Variants in MAG observed in about 807,000 individuals in gnomAD.
MAG encodes myelin-associated glycoprotein.
Under a neutral mutation model 60.7 loss-of-function variants are expected in MAG, and 30 were observed. The ratio of observed to expected loss-of-function variants is 0.49; its 90% CI spans 0.37 to 0.67. The LOEUF (loss-of-function observed/expected upper bound fraction) is 0.67. Ranked by LOEUF, MAG falls within the 30% of genes least tolerant of loss-of-function variation. The pLI is 0.00. For missense variants in MAG, 795 were observed against 851.7 expected, an observed-to-expected ratio of 0.93 and a Z score of 0.83; for synonymous variants, 384 against 376.8, an observed-to-expected ratio of 1.02 and a Z score of -0.22.
At chr19:35,303,108 G>T (rs2066460916) in intron 7 of MAG, among the ~76,000 whole-genome samples, 1 of 152,130 alleles carries the variant, frequency 6.6e-6, no homozygotes, top group African/African-American at 2.4e-5. Flanking sequence ...ATTTTTAGTA[G>T]AGACGGGGTT....
Position 35,299,633 on chromosome 19 carries a change from C to T in MAG, c.495C>T (p.Cys165=). 1 of 1,610,852 alleles carries T rather than the reference C, an allele frequency of 6.2e-7. No homozygotes were observed. The highest frequency in any genetic ancestry group is 1.3e-5 in the African/African-American group (1 of 74,826). ...TCAGCTGCATGGTGCCGGACAACTG[C>T]CCAGAGCTGCGCCCTGAGCTGAGCT... ...VEVSCMVPDN[C]PELRPELSWL... The change falls in exon 5 of 11, where the codon TGC becomes TGT. Residue 165 remains cysteine (C), a synonymous_variant. Transcript: ENST00000392213.
intron 7 of MAG, among the ~76,000 whole-genome samples, chr19:35,307,493 G>A (rs1014238434): frequency 2.6e-5 from 4 of 152,154 alleles, no homozygotes; most frequent in African/African-American, 9.7e-5. Flanking sequence ...AGTTTAAAAA[G>A]CAGCATTCTG....
chr19:35,298,680 C>T (rs188335455), intron 4 of MAG, among the ~76,000 whole-genome samples: 159 of 147,552 alleles, frequency 1.1e-3, no homozygotes, highest in African/African-American at 3.3e-3. Flanking sequence ...AACCACACAC[C>T]GCATACACAC....
At chr19:35,304,969 C>A (rs2066473549) in intron 7 of MAG, among the ~76,000 whole-genome samples, 1 of 152,184 alleles carries the variant, frequency 6.6e-6, no homozygotes, top group African/African-American at 2.4e-5. Flanking sequence ...TGGGTCCGAG[C>A]CCGATAATTC....
Position 35,300,099 on chromosome 19 carries a change from C to T in MAG, c.713-48C>T, listed in dbSNP as rs965787739. ...GCCGGGCTGGGAGAGGGCACTGGGC[C>T]GGTTCCCCAGCACCTGCTCACTAAC... is the stretch of plus-strand genomic sequence containing the variant. On this transcript the variant is annotated intron_variant, in intron 5 of 10. Coordinates refer to ENST00000392213, the MANE Select transcript of MAG (RefSeq NM_002361.4). 21 of 1,489,378 alleles carry T rather than the reference C, an allele frequency of 1.4e-5. 1 individual carries two copies. In the South Asian group the frequency reaches 2.5e-4, roughly 18 times the overall value. 92.3% of individuals were successfully genotyped at this position (1,489,378 alleles called of 1,614,324 possible).
At chr19:35,309,173 C>T (rs567191836) in intron 7 of MAG, among the ~76,000 whole-genome samples, 2 of 152,218 alleles carry the variant, frequency 1.3e-5, no homozygotes, top group South Asian at 4.2e-4. Context: ...AGGCTAGAGT[C>T]GCCTCAAAAG....
chr19:35,310,514 C>A, intron 8 of MAG, 33 bp from the exon 9 acceptor site: 1 of 1,579,484 alleles, frequency 6.3e-7, no homozygotes, highest in Non-Finnish European at 8.7e-7. Flanking sequence ...CCACCCATAG[C>A]CCTAAGGGCG....
chr19:35,313,206 G>A, intron 10 of MAG, 84 bp from the exon 11 acceptor site: 4 of 1,430,742 alleles, frequency 2.8e-6, no homozygotes, highest in Non-Finnish European at 3.8e-6. Context: ...GAACTCAGGA[G>A]CTCTGAGGGT....
At position 35,295,894 on chromosome 19, in the gene MAG, G is replaced by A. The variant is rs770788013; in HGVS notation, c.328G>A (p.Glu110Lys). The A allele has an allele frequency of 4.3e-6, 7 of 1,614,096 alleles. No individual in the cohort carries two copies. Among genetic ancestry groups the A allele is most frequent in the Non-Finnish European group, 5.1e-6 (6 of 1,180,032 alleles). Residue 110 changes from glutamate to lysine, a missense_variant, in exon 4 of 11, where the codon GAG becomes AAG. Glu to Lys is a moderately conservative substitution (Grantham distance 56). Transcript: ENST00000392213. The surrounding 1 kb of genome is among the most constrained non-coding windows in gnomAD (Gnocchi z 5.8). The part of the protein sequence containing the change: ...CTLLLSNVSP[E>K]LGGKYYFRGD... ...CCTCCTGCTCAGCAACGTCAGCCCC[G>A]AGCTGGGCGGGAAGTACTACTTCCG...
rs756544453 is a variant in MAG at position 35,309,999 on chromosome 19, G to A, written c.1357G>A (p.Val453Met). ...TGAGCTGCCATCGCGCAATGTGACC[G>A]TGAACGAGAGCGAGCGGGAGTTCGT... ...AFELPSRNVT[V>M]NESEREFVYS... The change falls in exon 8 of 11, where the codon GTG (valine) becomes ATG (methionine). Residue 453 changes from valine to methionine, a missense_variant. By Grantham distance (21) the Val-to-Met change is conservative. Transcript: ENST00000392213. 1.9e-6 allele frequency: 3 copies of A among 1,614,024 alleles called. No individual in the cohort carries two copies. Among genetic ancestry groups the A allele is most frequent in the East Asian group, 2.2e-5 (1 of 44,876 alleles).
At position 35,312,005 on chromosome 19, in the gene MAG, A is replaced by G; in HGVS notation, c.1704A>G (p.Pro568=). The G allele has an allele frequency of 6.2e-7, 1 of 1,612,640 alleles. No individual in the cohort carries two copies. The highest frequency in any genetic ancestry group is 8.5e-7 in the Non-Finnish European group (1 of 1,179,310). Residue 568 remains proline, a synonymous_variant, in exon 10 of 11, where the codon CCA becomes CCG. Transcript: ENST00000392213. Reference sequence around the variant, plus strand: ...GCGACTTCCGCATCTCTGGGGCACCAGAGAAGTACGAGGTAAGGACCAGGC... The same window carrying G: ...GCGACTTCCGCATCTCTGGGGCACCGGAGAAGTACGAGGTAAGGACCAGGC... ...FSSDFRISGA[P]EKYESERRLG...
At chr19:35,307,651 C>A (rs553479241) in intron 7 of MAG, among the ~76,000 whole-genome samples, 2 of 152,108 alleles carry the variant, frequency 1.3e-5, no homozygotes, top group African/African-American at 2.4e-5. Flanking sequence ...CGTGCCACTG[C>A]ACTCCAGCCT....
At position 35,295,861 on chromosome 19, in the gene MAG, A is replaced by G; in HGVS notation, c.295A>G (p.Asn99Asp). ...SRLLGDLGLRNCTLLLSNVSP... is the reference protein window; with the variant it reads ...SRLLGDLGLRDCTLLLSNVSP... ...CCTCCTGGGGGACCTGGGCCTGCGA[A>G]ACTGCACCCTCCTGCTCAGCAACGT... is the stretch of plus-strand genomic sequence containing the variant. The change falls in exon 4 of 11, where the codon AAC (asparagine) becomes GAC (aspartate). Residue 99 changes from asparagine to aspartate, a missense_variant. Transcript: ENST00000392213. This position sits in a 1 kb window ranked among gnomAD's most constrained non-coding sequence, Gnocchi z 5.8. 6.2e-7 allele frequency: 1 copy of G among 1,614,080 alleles called. No individual in the cohort carries two copies. The highest frequency in any genetic ancestry group is 8.5e-7 in the Non-Finnish European group (1 of 1,180,014).
chr19:35,313,349 G>A lies in MAG; in HGVS notation c.1776G>A (p.Glu592=), dbSNP rs1477280918. Residue 592 remains glutamate (E), a synonymous_variant, in exon 11 of 11, where the codon GAG becomes GAA. Coordinates refer to ENST00000392213, the MANE Select transcript of MAG (RefSeq NM_002361.4). ...TGGGCCTTCGGGGTGAGCCCCCAGA[G>A]CTGGACCTGAGCTATTCTCACTCGG... is the stretch of plus-strand genomic sequence containing the variant. ...RLLGLRGEPP[E]LDLSYSHSDL... The A allele has an allele frequency of 6.2e-7, 1 of 1,614,182 alleles. No homozygotes were observed. Among genetic ancestry groups the A allele is most frequent in the Non-Finnish European group, 8.5e-7 (1 of 1,180,028 alleles).
chr19:35,306,779 G>A (rs1359348520), intron 7 of MAG, among the ~76,000 whole-genome samples: 5 of 152,252 alleles, frequency 3.3e-5, no homozygotes, highest in Admixed American at 1.3e-4. Context: ...GCCTATCTTC[G>A]GAGTCCCGTA....
intron 2 of MAG, 139 bp downstream of exon 2, chr19:35,294,429 C>T: frequency 2.7e-6 from 1 of 373,678 alleles, no homozygotes; most frequent in Non-Finnish European, 5.2e-6. Flanking sequence ...ATCATCACTG[C>T]ATAGAGACAG....
chr19:35,294,805 A>G (rs993049918), intron 2 of MAG, among the ~76,000 whole-genome samples: 7 of 152,190 alleles, frequency 4.6e-5, no homozygotes, highest in African/African-American at 7.2e-5. Flanking sequence ...AAATAAAATT[A>G]GCCAGGCATG....
chr19:35,303,294 T>C (rs1005192085), intron 7 of MAG, among the ~76,000 whole-genome samples: 3 of 152,198 alleles, frequency 2.0e-5, no homozygotes, highest in Admixed American at 6.5e-5. Flanking sequence ...ACCGAAACAA[T>C]GACCATGATC....
At position 35,310,529 on chromosome 19, in the gene MAG, G is replaced by C. The variant is rs201465791; in HGVS notation, c.1520-18G>C. The C allele has an allele frequency of 6.2e-7, 1 of 1,612,498 alleles. No individual in the cohort carries two copies. Among genetic ancestry groups the C allele is most frequent in the Non-Finnish European group, 8.5e-7 (1 of 1,178,592 alleles). Reference sequence around the variant, plus strand: ...CCACCCATAGCCCTAAGGGCGCCTGGGTCTTTTCTGTCCTCAGATCGACTG... The same window carrying C: ...CCACCCATAGCCCTAAGGGCGCCTGCGTCTTTTCTGTCCTCAGATCGACTG... On this transcript the variant is annotated intron_variant, in intron 8 of 10. Coordinates refer to ENST00000392213, the MANE Select transcript of MAG (RefSeq NM_002361.4).
Sources: allele counts gnomAD v4.1 joint callset (sites outside exome capture counted in the v4.1 genomes callset), GRCh38; gene constraint gnomAD v4.1.1; non-coding constraint Gnocchi (gnomAD v3.1); transcripts MANE v1.5; gene names NCBI Gene and HGNC (gene_info 2026-07-23, HGNC 2026-07-21).